Variants in ARHGEF3 observed in about 807,000 individuals in gnomAD.
The protein encoded by ARHGEF3 is 59.8 kDA protein.
In ARHGEF3, 28 loss-of-function variants were observed where a neutral mutation model predicts 63.2. The observed-to-expected ratio is 0.44, with a 90% confidence interval of 0.33 to 0.61. ARHGEF3 has a LOEUF of 0.61. Among genes scored for constraint, ARHGEF3 ranks in the 20% least tolerant of loss-of-function variants. The pLI, the probability that ARHGEF3 is intolerant of heterozygous loss-of-function variation, is 0.03. For missense variants in ARHGEF3, 533 were observed against 659.3 expected (o/e 0.81, Z 2.10); for synonymous variants, 266 against 254.2 (o/e 1.05, Z -0.44).
intron 1 of ARHGEF3, among the ~76,000 whole-genome samples, chr3:56,795,015 C>T (rs917244727): frequency 4.9e-5 from 7 of 141,968 alleles, no homozygotes; most frequent in Non-Finnish European, 9.1e-5. Context: ...TGTGTTACCA[C>T]GCTTGGTGAA....
chr3:56,820,120 T>C (rs1215083868), intron 4 of ARHGEF3, among the ~76,000 whole-genome samples: 1 of 152,210 alleles, frequency 6.6e-6, no homozygotes, highest in Non-Finnish European at 1.5e-5. Context: ...TAAGCTAATG[T>C]CATCATTTAT....
chr3:56,792,606 A>G (rs1348757612), intron 1 of ARHGEF3, among the ~76,000 whole-genome samples: 3 of 152,192 alleles, frequency 2.0e-5, no homozygotes, highest in Non-Finnish European at 4.4e-5. Flanking sequence ...TAAAATGAGG[A>G]CAATTATATA....
chr3:56,980,482 C>A (rs1055478251), intron 2 of ARHGEF3, among the ~76,000 whole-genome samples: 1 of 152,166 alleles, frequency 6.6e-6, no homozygotes. Flanking sequence ...AACTGTAAGG[C>A]GACTCATTGT....
intron 4 of ARHGEF3, among the ~76,000 whole-genome samples, chr3:56,865,213 G>T (rs900302495): frequency 2.0e-5 from 3 of 152,122 alleles, no homozygotes; most frequent in African/African-American, 7.2e-5. Flanking sequence ...TCAATTTCTG[G>T]TTGTATTACA....
At chr3:56,839,569 C>T (rs1187961433) in intron 4 of ARHGEF3, among the ~76,000 whole-genome samples, 5 of 152,128 alleles carry the variant, frequency 3.3e-5, no homozygotes, top group African/African-American at 9.7e-5. Context: ...GTTATCTTTG[C>T]AACTTTTCTG....
intron 3 of ARHGEF3, among the ~76,000 whole-genome samples, chr3:56,754,089 C>T (rs930910903): frequency 2.6e-5 from 4 of 152,186 alleles, no homozygotes; most frequent in African/African-American, 9.7e-5. Flanking sequence ...TTTTATCACT[C>T]CAAATACAAC....
chr3:57,060,662 C>T (rs1705171878), intron 1 of ARHGEF3: 1 of 152,276 alleles, frequency 6.6e-6, no homozygotes, highest in South Asian at 2.1e-4. Context: ...ACTGCCCTGC[C>T]CACAGTCACT....
chr3:56,952,420 C>T (rs901114832), intron 3 of ARHGEF3, among the ~76,000 whole-genome samples: 3 of 152,216 alleles, frequency 2.0e-5, no homozygotes, highest in African/African-American at 7.2e-5. Context: ...AGCTTGATTT[C>T]AGTCTCAGGA....
intron 4 of ARHGEF3, among the ~76,000 whole-genome samples, chr3:56,863,172 C>A (rs926056628): frequency 1.3e-5 from 2 of 151,766 alleles, no homozygotes; most frequent in Admixed American, 1.3e-4. Context: ...GAGTCTCACT[C>A]TGTTGCCCAG....
rs138875903 is a variant in ARHGEF3, at chr3:56,855,970, G to A, written c.192+26322C>T. The stretch of plus-strand genomic sequence containing the variant: ...TGTCATTTTTCAATTCCACTACTTG[G>A]CTCAAAGGGCTTCTTTTCTTTTCCT... On this transcript the variant is annotated intron_variant, in intron 4 of 12. Coordinates refer to the ARHGEF3 transcript ENST00000338458. Among the ~76,000 whole-genome samples the A allele has an allele frequency of 6.5e-3, 994 of 152,234 alleles. 11 individuals carry two copies. Among genetic ancestry groups the A allele is most frequent in the African/African-American group, 0.023 (948 of 41,540 alleles).
intron 2 of ARHGEF3, among the ~76,000 whole-genome samples, chr3:56,766,159 T>C (rs1266409380): frequency 6.6e-6 from 1 of 152,140 alleles, no homozygotes; most frequent in Non-Finnish European, 1.5e-5. Context: ...ACTTTTACAA[T>C]CTCTAGAGCA....
At chr3:57,002,210 T>A (rs1702224995) in intron 2 of ARHGEF3, among the ~76,000 whole-genome samples, 1 of 151,198 alleles carries the variant, frequency 6.6e-6, no homozygotes, top group Non-Finnish European at 1.5e-5. Flanking sequence ...CGGGCCCGGC[T>A]GACATAGTAT....
intron 3 of ARHGEF3, among the ~76,000 whole-genome samples, chr3:56,934,234 C>T (rs1328550565): frequency 6.6e-6 from 1 of 152,258 alleles, no homozygotes; most frequent in East Asian, 1.9e-4. Flanking sequence ...GTGAATATAG[C>T]ATAATAGTAG....
intron 2 of ARHGEF3, among the ~76,000 whole-genome samples, chr3:56,987,649 T>G (rs1169275472): frequency 6.6e-6 from 1 of 152,108 alleles, no homozygotes; most frequent in Non-Finnish European, 1.5e-5. Context: ...AGCCCAATCC[T>G]ACATAAACCT....
intron 4 of ARHGEF3, among the ~76,000 whole-genome samples, chr3:56,822,085 T>C (rs1030640707): frequency 2.0e-5 from 3 of 152,124 alleles, no homozygotes; most frequent in Non-Finnish European, 2.9e-5. Flanking sequence ...TTCAGTGTAG[T>C]GTCATCTAAA....
At chr3:56,954,827 CAA>C (rs1309041142) in intron 3 of ARHGEF3, among the ~76,000 whole-genome samples, 1 of 152,166 alleles carries the variant, frequency 6.6e-6, no homozygotes, top group African/African-American at 2.4e-5. Context: ...TCTCTACAGC[CAA>C]ACACTCCAGC....
chr3:56,900,573 T>A (rs2041470359), intron 3 of ARHGEF3, among the ~76,000 whole-genome samples: 1 of 152,162 alleles, frequency 6.6e-6, no homozygotes. Flanking sequence ...AAAGCTGCAG[T>A]GAGCCATGAT....
chr3:56,867,227 A>G (rs1004267086), intron 4 of ARHGEF3, among the ~76,000 whole-genome samples: 3 of 152,226 alleles, frequency 2.0e-5, no homozygotes, highest in African/African-American at 7.2e-5. Flanking sequence ...ATGAACAACC[A>G]AGTAGCCACT....
intron 3 of ARHGEF3, among the ~76,000 whole-genome samples, chr3:56,936,911 G>C (rs1038823250): frequency 1.3e-5 from 2 of 152,176 alleles, no homozygotes; most frequent in African/African-American, 4.8e-5. Context: ...GTACAGATAG[G>C]TTTCGCCATG....
Sources: allele counts gnomAD v4.1 joint callset (sites outside exome capture counted in the v4.1 genomes callset), GRCh38; gene constraint gnomAD v4.1.1; transcripts MANE v1.5; gene names NCBI Gene and HGNC (gene_info 2026-07-23, HGNC 2026-07-21).